The following CMSS1 variants were observed in gnomAD, a reference collection of about 807,000 sequenced individuals.
CMSS1 encodes the protein cms1 ribosomal small subunit homolog.
Under a neutral mutation model 43.5 loss-of-function variants are expected in CMSS1, and 33 were observed. That is an observed-to-expected ratio of 0.76 (90% CI 0.57 to 1.01). The LOEUF (loss-of-function observed/expected upper bound fraction) is 1.01. Ranked by LOEUF, CMSS1 falls within the 50% of genes least tolerant of loss-of-function variation. The pLI, the probability that CMSS1 is intolerant of heterozygous loss-of-function variation, is 0.00. For missense variants in CMSS1, 313 were observed against 326.4 expected, an observed-to-expected ratio of 0.96 and a Z score of 0.32; for synonymous variants, 115 against 117.2, an observed-to-expected ratio of 0.98 and a Z score of 0.12.
intron 1 of CMSS1, among the ~76,000 whole-genome samples, chr3:100,091,421 CT>C (rs1295475034): frequency 6.6e-6 from 1 of 151,998 alleles, no homozygotes; most frequent in Non-Finnish European, 1.5e-5. Flanking sequence ...ATTGGAAAGA[CT>C]CATGTTTTGT....
chr3:99,893,511 T>A (rs1393330196), intron 1 of CMSS1, among the ~76,000 whole-genome samples: 1 of 152,178 alleles, frequency 6.6e-6, no homozygotes, highest in Non-Finnish European at 1.5e-5. Flanking sequence ...GTAACAAATA[T>A]TATTGTTCAT....
At chr3:100,124,624 C>T (rs2066648325) in intron 1 of CMSS1, among the ~76,000 whole-genome samples, 1 of 152,112 alleles carries the variant, frequency 6.6e-6, no homozygotes, top group Non-Finnish European at 1.5e-5. Flanking sequence ...CAGTCCTCAC[C>T]ACCCAGCACC....
intron 4 of CMSS1, among the ~76,000 whole-genome samples, chr3:100,162,836 G>A (rs2067035711): frequency 6.6e-6 from 1 of 152,064 alleles, no homozygotes; most frequent in Admixed American, 6.6e-5. Context: ...TTAGCTGGGT[G>A]TGGTAGCACA....
At chr3:100,017,348 C>A (rs1429402896) in intron 1 of CMSS1, among the ~76,000 whole-genome samples, 2 of 152,152 alleles carry the variant, frequency 1.3e-5, no homozygotes, top group African/African-American at 4.8e-5. Flanking sequence ...ATTTGTAGCA[C>A]CTCCTGATGA....
At chr3:99,833,014 C>T (rs1942747988) in intron 1 of CMSS1, 1 of 533,142 alleles carries the variant, frequency 1.9e-6, no homozygotes, top group Non-Finnish European at 3.3e-6. Flanking sequence ...ATGCATATTG[C>T]AAGAGAAATA....
At chr3:99,885,541 T>C (rs564583067) in intron 1 of CMSS1, among the ~76,000 whole-genome samples, 139 of 152,360 alleles carry the variant, frequency 9.1e-4, no homozygotes, top group African/African-American at 3.1e-3. Flanking sequence ...GTTCATAAAC[T>C]TACTTTGATA....
At position 99,953,192 on chromosome 3, in the gene CMSS1, CCT is replaced by C. The variant is rs768932996; in HGVS notation, c.64+135152_64+135153del. Among the ~76,000 whole-genome samples the C allele has an allele frequency of 1.4e-4, 21 of 152,176 alleles. No homozygotes were observed. In the East Asian group the frequency reaches 4.1e-3, roughly 29 times the overall value. ...TCTTTTTGTATTTCATTTTCTACTT[CCT>C]CTGTGTTGTCAACAATCATTTATTT... On this transcript the variant is annotated intron_variant, in intron 1 of 9. Transcript: ENST00000421999.
At chr3:99,945,971 C>CT (rs2107682130) in intron 1 of CMSS1, among the ~76,000 whole-genome samples, 1 of 152,310 alleles carries the variant, frequency 6.6e-6, no homozygotes, top group South Asian at 2.1e-4. Context: ...TATCCTCTGC[C>CT]TAGCAGCTCT....
rs141276365 is a variant in CMSS1, at chr3:99,894,884, C to A, written c.64+76841C>A. Among the ~76,000 whole-genome samples, 688 of 152,276 alleles carry A rather than the reference C, an allele frequency of 4.5e-3. 7 individuals are homozygous for A. Among genetic ancestry groups the A allele is most frequent in the African/African-American group, 0.016 (674 of 41,556 alleles). ...TTCTTGCAAACGTATAGAGTTCAAG[C>A]TATATTTAGGTCAGCTAGCTTTTTG... On this transcript the variant is annotated intron_variant, in intron 1 of 9. Transcript: ENST00000421999.
At chr3:100,133,535 G>A (rs907548018) in intron 1 of CMSS1, among the ~76,000 whole-genome samples, 3 of 151,970 alleles carry the variant, frequency 2.0e-5, no homozygotes, top group Admixed American at 6.6e-5. Context: ...AAGGAAAAGG[G>A]TAAAAAAAGG....
At chr3:100,078,930 A>G (rs1400439727) in intron 1 of CMSS1, among the ~76,000 whole-genome samples, 1 of 152,044 alleles carries the variant, frequency 6.6e-6, no homozygotes, top group Non-Finnish European at 1.5e-5. Context: ...ATCTCATAAT[A>G]TTTTAAGAAA....
intron 1 of CMSS1, among the ~76,000 whole-genome samples, chr3:100,126,075 C>G (rs1209425810): frequency 1.3e-5 from 2 of 152,192 alleles, no homozygotes; most frequent in African/African-American, 2.4e-5. Flanking sequence ...GTGGCTTTGT[C>G]TCTTCCCCTG....
At chr3:99,948,344 T>TA (rs1185918281) in intron 1 of CMSS1, among the ~76,000 whole-genome samples, 2 of 151,710 alleles carry the variant, frequency 1.3e-5, no homozygotes, top group African/African-American at 2.4e-5. Flanking sequence ...ATAAAAAAAT[T>TA]AAAAAATTTT....
intron 1 of CMSS1, among the ~76,000 whole-genome samples, chr3:99,909,621 G>A (rs1489511302): frequency 1.3e-5 from 2 of 152,130 alleles, no homozygotes; most frequent in Non-Finnish European, 2.9e-5. Context: ...TTTGCATAAA[G>A]AAATAATAAT....
chr3:99,983,560 G>A (rs1709236532), intron 1 of CMSS1, among the ~76,000 whole-genome samples: 1 of 141,666 alleles, frequency 7.1e-6, no homozygotes, highest in Non-Finnish European at 1.5e-5. Flanking sequence ...TGTGGTGGCA[G>A]GTACCTGTAA....
chr3:99,974,866 C>G (rs1046965949), intron 1 of CMSS1, among the ~76,000 whole-genome samples: 6 of 152,188 alleles, frequency 3.9e-5, no homozygotes, highest in Non-Finnish European at 8.8e-5. Flanking sequence ...TTTCCTACCC[C>G]TTGGCATGGG....
intron 1 of CMSS1, among the ~76,000 whole-genome samples, chr3:99,925,555 T>G (rs190449334): frequency 6.6e-6 from 1 of 151,518 alleles, no homozygotes; most frequent in African/African-American, 2.4e-5. Context: ...GTGAGCAGCA[T>G]GTGGGACACT....
At chr3:100,129,517 C>G (rs2066689758) in intron 1 of CMSS1, among the ~76,000 whole-genome samples, 1 of 152,204 alleles carries the variant, frequency 6.6e-6, no homozygotes, top group African/African-American at 2.4e-5. Flanking sequence ...AAACAGTAAT[C>G]TCTCCATAAA....
chr3:99,885,323 T>C (rs13095282), intron 1 of CMSS1, among the ~76,000 whole-genome samples: 8,129 of 152,270 alleles, frequency 0.053, 315 homozygotes, highest in Middle Eastern at 0.085. Flanking sequence ...ACTTCCACTT[T>C]GACTCTGAGA....
Sources: gnomAD v4.1 joint callset for allele counts (sites outside exome capture counted in the v4.1 genomes callset) on GRCh38, gnomAD v4.1.1 for gene constraint, MANE v1.5 for transcripts, NCBI Gene and HGNC (gene_info 2026-07-23, HGNC 2026-07-21) for gene names.